Variants in SERPINI1 observed in about 807,000 individuals in gnomAD.
SERPINI1 encodes the protein neuroserpin.
A neutral mutation model predicts 41.1 loss-of-function variants in SERPINI1; 19 were observed. The observed-to-expected ratio is 0.46, with a 90% CI of 0.32 to 0.68. SERPINI1 has a LOEUF of 0.68. Ranked by LOEUF, SERPINI1 falls within the 30% of genes least tolerant of loss-of-function variation. The pLI is 0.03. For missense variants in SERPINI1, 460 were observed against 479.2 expected, an observed-to-expected ratio of 0.96 and a Z score of 0.37; for synonymous variants, 138 against 156.6, an observed-to-expected ratio of 0.88 and a Z score of 0.89.
chr3:167,764,411 G>A (rs1176532410), intron 1 of SERPINI1, among the ~76,000 whole-genome samples: 1 of 152,186 alleles, frequency 6.6e-6, no homozygotes, highest in African/African-American at 2.4e-5. Context: ...GAGAGAGAGA[G>A]CTTGTGCAGG....
In SERPINI1 at chr3:167,825,375, C is replaced by T. The variant is rs1032890650; in HGVS notation, c.*52C>T. On this transcript the variant is annotated 3_prime_UTR_variant, in exon 9 of 9. Transcript: ENST00000446050. The stretch of plus-strand genomic sequence containing the variant: ...ACAGTAACTAAGCACATTATGTTTG[C>T]AACTGGTATATATTTAGGATTTGTG... 1 of 1,076,584 alleles carries T rather than the reference C, an allele frequency of 9.3e-7. No homozygotes were observed. The highest frequency in any genetic ancestry group is 1.5e-6 in the Non-Finnish European group (1 of 689,462). 66.7% of individuals were successfully genotyped at this position (1,076,584 alleles called of 1,614,324 possible).
intron 6 of SERPINI1, among the ~76,000 whole-genome samples, chr3:167,816,384 G>C (rs2108571897): frequency 6.6e-6 from 1 of 152,288 alleles, no homozygotes; most frequent in African/African-American, 2.4e-5. Context: ...ATTATGAACA[G>C]AGTTGTGGTC....
At chr3:167,747,598 C>G (rs1039645503) in intron 1 of SERPINI1, among the ~76,000 whole-genome samples, 2 of 152,098 alleles carry the variant, frequency 1.3e-5, no homozygotes, top group African/African-American at 4.8e-5. Context: ...GAGCCGAGAT[C>G]TTGCCACTGC....
At chr3:167,789,514 A>C in intron 2 of SERPINI1, 136 bp downstream of exon 2, 1 of 999,018 alleles carries the variant, frequency 1.0e-6, no homozygotes, top group East Asian at 2.6e-5. Flanking sequence ...GGCTAGAAGG[A>C]TTAGGAAACC....
At chr3:167,745,599 C>T (rs995028839) in intron 1 of SERPINI1, among the ~76,000 whole-genome samples, 1 of 151,916 alleles carries the variant, frequency 6.6e-6, no homozygotes, top group Non-Finnish European at 1.5e-5. Flanking sequence ...AAAAAGCTCC[C>T]ATACTAGAAA....
intron 1 of SERPINI1, among the ~76,000 whole-genome samples, chr3:167,780,668 T>A (rs547789544): frequency 1.3e-5 from 2 of 152,306 alleles, no homozygotes; most frequent in Non-Finnish European, 2.9e-5. Flanking sequence ...AATCACTTGG[T>A]TCATTCCTTG....
In SERPINI1 at chr3:167,814,536, C is replaced by T. The variant is rs568842660; in HGVS notation, c.979+7195C>T. Among the ~76,000 whole-genome samples the T allele has an allele frequency of 5.9e-5, 9 of 152,288 alleles. No homozygotes were observed. The East Asian group carries it at 1.5e-3, about 26-fold the overall frequency. On this transcript the variant is annotated intron_variant, in intron 6 of 8. Transcript: ENST00000446050. ...ATTTTGTTATTTTAAGCATGCCGTT[C>T]ATGACGCAGAAATCTATTTAAATTG...
At chr3:167,784,583 G>A (rs13096218) in intron 1 of SERPINI1, among the ~76,000 whole-genome samples, 19,166 of 152,176 alleles carry the variant, frequency 0.13, 1,445 homozygotes, top group African/African-American at 0.21. Flanking sequence ...TACAATCATG[G>A]TGGAAGGCAA....
chr3:167,789,218 A>C lies in SERPINI1; in HGVS notation c.90A>C (p.Ser30=), dbSNP rs1423056952. ...TFPEEAIADL[S]VNMYNRLRAT... ...CTGAGGAAGCCATTGCTGACTTGTC[A>C]GTGAATATGTATAATCGTCTTAGAG... The change falls in exon 2 of 9, where the codon TCA becomes TCC. Residue 30 remains serine (S), a synonymous_variant. Coordinates refer to ENST00000446050, the MANE Select transcript of SERPINI1 (RefSeq NM_001122752.2). 2 of 1,614,062 alleles carry C rather than the reference A, an allele frequency of 1.2e-6. No individual in the cohort carries two copies. The highest frequency in any genetic ancestry group is 2.7e-5 in the African/African-American group (2 of 74,944).
chr3:167,737,692 A>C (rs529277461), intron 1 of SERPINI1, among the ~76,000 whole-genome samples: 3 of 152,284 alleles, frequency 2.0e-5, no homozygotes, highest in Admixed American at 6.5e-5. Flanking sequence ...CCGAGCCTTT[A>C]TTAAAAGATC....
At chr3:167,784,639 T>G (rs1727246594) in intron 1 of SERPINI1, among the ~76,000 whole-genome samples, 1 of 151,696 alleles carries the variant, frequency 6.6e-6, no homozygotes, top group South Asian at 2.1e-4. Context: ...ATGGAGAGAG[T>G]GCAAGCATGG....
intron 5 of SERPINI1, among the ~76,000 whole-genome samples, chr3:167,806,852 G>C (rs1711661649): frequency 7.8e-6 from 1 of 128,200 alleles, no homozygotes; most frequent in Non-Finnish European, 1.6e-5. Context: ...GTCATCTCCA[G>C]CTTAAAAAAA....
intron 1 of SERPINI1, among the ~76,000 whole-genome samples, chr3:167,750,987 T>TAA (rs1260097493): frequency 3.9e-5 from 6 of 151,988 alleles, no homozygotes; most frequent in Non-Finnish European, 8.8e-5. Flanking sequence ...AATCAATATA[T>TAA]AAAAACTCTA....
intron 5 of SERPINI1, among the ~76,000 whole-genome samples, chr3:167,803,631 G>A (rs915862758): frequency 2.0e-5 from 3 of 152,082 alleles, no homozygotes; most frequent in East Asian, 1.9e-4. Flanking sequence ...GCCGAAGTTC[G>A]CCTGGATCGG....
At chr3:167,792,073 A>G (rs1471176266) in intron 3 of SERPINI1, among the ~76,000 whole-genome samples, 1 of 152,166 alleles carries the variant, frequency 6.6e-6, no homozygotes, top group Non-Finnish European at 1.5e-5. Context: ...TGCAGTGAGC[A>G]GAGATCATAC....
rs1365641353 is a variant in SERPINI1 at position 167,787,534 on chromosome 3, A to G, written c.-18-1577A>G. On this transcript the variant is annotated intron_variant, in intron 1 of 8. Coordinates refer to ENST00000446050, the MANE Select transcript of SERPINI1 (RefSeq NM_001122752.2). The stretch of plus-strand genomic sequence containing the variant: ...CAGCCCCCCAACGGTGGCTGAAATC[A>G]GTAGACTGGCAGGGCTGCTGTGCTC... Among the ~76,000 whole-genome samples, 4 of 152,226 alleles carry G rather than the reference A, an allele frequency of 2.6e-5. 1 individual carries two copies. Among genetic ancestry groups the G allele is most frequent in the Non-Finnish European group, 5.9e-5 (4 of 68,042 alleles).
At chr3:167,823,173 A>C (rs1577438323) in intron 7 of SERPINI1, 101 bp downstream of exon 7, 1 of 822,302 alleles carries the variant, frequency 1.2e-6, no homozygotes. Flanking sequence ...CAAAAAAGTC[A>C]CTCTGCTCTA....
At chr3:167,783,419 C>T (rs565441480) in intron 1 of SERPINI1, among the ~76,000 whole-genome samples, 3 of 152,066 alleles carry the variant, frequency 2.0e-5, no homozygotes, top group Admixed American at 6.6e-5. Context: ...CAGGCATCAA[C>T]GAATAAATAT....
rs554583291 is a variant in SERPINI1 at position 167,807,334 on chromosome 3, C to A, written c.972C>A (p.Gly324=). The A allele has an allele frequency of 1.9e-6, 3 of 1,594,266 alleles. No homozygotes were observed. The highest frequency in any genetic ancestry group is 3.3e-5 in the Admixed American group (2 of 59,816). ...TCATCAAAGATGCAAATTTGACAGG[C>A]CTCTCTGGTAAGAAATAAACACAAA... The part of the protein sequence containing the change: ...EIFIKDANLT[G]LSDNKEIFLS... The change falls in exon 6 of 9, where the codon GGC becomes GGA. Residue 324 remains glycine (G), a synonymous_variant. Transcript: ENST00000446050.
Sources: gnomAD v4.1 joint callset for allele counts (sites outside exome capture counted in the v4.1 genomes callset) on GRCh38, gnomAD v4.1.1 for gene constraint, MANE v1.5 for transcripts, NCBI Gene and HGNC (gene_info 2026-07-23, HGNC 2026-07-21) for gene names.